The following CHST3 variants were observed in gnomAD, a reference collection of about 807,000 sequenced individuals.
The protein encoded by CHST3 is carbohydrate sulfotransferase 3.
CHST3 carries 20 observed loss-of-function variants against 35.4 expected under a neutral mutation model. The observed-to-expected ratio is 0.57, with a 90% CI of 0.40 to 0.82. The LOEUF is 0.82. CHST3 is among the 40% of genes least tolerant of loss of function. The pLI, the probability that CHST3 is intolerant of heterozygous loss-of-function variation, is 0.00. For synonymous variants in CHST3, 334 were observed against 295.9 expected, an observed-to-expected ratio of 1.13 and a Z score of -1.32; for missense variants, 693 against 670.1, an observed-to-expected ratio of 1.03 and a Z score of -0.38.
intron 1 of CHST3, among the ~76,000 whole-genome samples, chr10:71,985,568 G>A (rs1013830149): frequency 2.6e-5 from 4 of 152,174 alleles, no homozygotes; most frequent in Non-Finnish European, 5.9e-5. Flanking sequence ...GCCCTAGAAA[G>A]GCCATTTCTG....
intron 1 of CHST3, among the ~76,000 whole-genome samples, chr10:71,990,315 G>A (rs2394848): frequency 0.35 from 53,119 of 152,004 alleles, 10,966 homozygotes; most frequent in Non-Finnish European, 0.47. Context: ...TACCTGTGGC[G>A]TCCTTACCTG....
rs1840046513 is a variant in CHST3, at chr10:72,007,174, T to C, written c.143T>C (p.Val48Ala). The C allele has an allele frequency of 1.2e-6, 2 of 1,613,916 alleles. No homozygotes were observed. Among genetic ancestry groups the C allele is most frequent in the African/African-American group, 1.3e-5 (1 of 74,940 alleles). ...IEKENKIISRVSDKLKQIPQA... is the reference protein window; with the variant it reads ...IEKENKIISRASDKLKQIPQA... ...CCTGATCTTCTTTGTCCTCACAGGG[T>C]CTCAGACAAGCTGAAGCAGATTCCC... Residue 48 changes from valine (V) to alanine (A), a missense_variant and splice_region_variant, in exon 3 of 3, where the codon GTC becomes GCC. Coordinates refer to ENST00000373115, the MANE Select transcript of CHST3 (RefSeq NM_004273.5).
intron 1 of CHST3, among the ~76,000 whole-genome samples, chr10:71,975,404 A>G (rs1839735530): frequency 6.6e-6 from 1 of 152,202 alleles, no homozygotes; most frequent in African/African-American, 2.4e-5. Flanking sequence ...CCACCAGAGA[A>G]CCACAGAAGG....
chr10:72,005,266 G>T (rs1219802965), intron 1 of CHST3, among the ~76,000 whole-genome samples: 2 of 151,348 alleles, frequency 1.3e-5, no homozygotes, highest in African/African-American at 4.9e-5. Context: ...TCCTGCATAA[G>T]CACAGGGTCT....
chr10:71,995,425 A>G (rs2131759979), intron 1 of CHST3, among the ~76,000 whole-genome samples: 1 of 149,110 alleles, frequency 6.7e-6, no homozygotes. Context: ...CTGTCTCAAA[A>G]AAAAAAAAAA....
At chr10:71,974,636 A>G (rs992539934) in intron 1 of CHST3, among the ~76,000 whole-genome samples, 26 of 152,292 alleles carry the variant, frequency 1.7e-4, no homozygotes, top group Admixed American at 1.6e-3. Flanking sequence ...TTCATAGCCC[A>G]GGGCAAACCA....
In CHST3 at chr10:72,011,732, A is replaced by G. The variant is rs1840112433; in HGVS notation, c.*3261A>G. 1 of 152,236 alleles carries G rather than the reference A, an allele frequency of 6.6e-6. No individual in the cohort carries two copies. Among genetic ancestry groups the G allele is most frequent in the African/African-American group, 2.4e-5 (1 of 41,458 alleles). The allele number at this position is 152,236 out of a possible 1,614,324, so 9.4% of individuals were successfully genotyped here. A position where few individuals can be genotyped will look rare whatever the true frequency, so the allele number is the denominator to read the frequency against. ...GAGTTCTGCGGCCCAGCATATAGAA[A>G]TGGCTCAGAACGTTCCAGGCCTTGG... On this transcript the variant is annotated 3_prime_UTR_variant, in exon 3 of 3. Coordinates refer to ENST00000373115, the MANE Select transcript of CHST3 (RefSeq NM_004273.5).
Position 72,009,534 on chromosome 10 carries a change from G to A in CHST3, c.*1063G>A, listed in dbSNP as rs1014260218. On this transcript the variant is annotated 3_prime_UTR_variant, in exon 3 of 3. Coordinates refer to ENST00000373115, the MANE Select transcript of CHST3 (RefSeq NM_004273.5). ...AGGCCTGGCAGGCAGAAGCAGCTGT[G>A]GTCCCTGGAGGCAAAAGGCAGCTCA... The A allele has an allele frequency of 2.4e-4, 37 of 152,276 alleles. 1 individual carries two copies. The highest frequency in any genetic ancestry group is 8.9e-4 in the African/African-American group (37 of 41,450). The allele number at this position is 152,276 out of a possible 1,614,324, so 9.4% of individuals were successfully genotyped here.
Position 72,008,492 on chromosome 10 carries a change from C to T in CHST3, c.*21C>T, listed in dbSNP as rs1320999930. On this transcript the variant is annotated 3_prime_UTR_variant, in exon 3 of 3. Transcript: ENST00000373115. ...CGTAGGGGGGCCGGGGCCCCGTATG[C>T]CCCTCCTCGTGAAAGGCCTGCCCCG... 6.7e-7 allele frequency: 1 copy of T among 1,496,142 alleles called. No homozygotes were observed. The highest frequency in any genetic ancestry group is 8.9e-7 in the Non-Finnish European group (1 of 1,121,328). 92.7% of individuals were successfully genotyped at this position (1,496,142 alleles called of 1,614,324 possible).
chr10:72,004,128 A>C (rs1840016861), intron 1 of CHST3, among the ~76,000 whole-genome samples: 2 of 152,176 alleles, frequency 1.3e-5, no homozygotes, highest in Non-Finnish European at 2.9e-5. Context: ...AGATTACGCC[A>C]TTGCACTCCA....
At chr10:71,996,495 C>CT (rs1177875342) in intron 1 of CHST3, among the ~76,000 whole-genome samples, 66 of 147,188 alleles carry the variant, frequency 4.5e-4, no homozygotes, top group African/African-American at 1.3e-3. Flanking sequence ...TATACACCCA[C>CT]TTTTTTTTTT....
chr10:71,976,501 A>T (rs1175751147), intron 1 of CHST3, among the ~76,000 whole-genome samples: 1 of 152,186 alleles, frequency 6.6e-6, no homozygotes, highest in African/African-American at 2.4e-5. Context: ...ATAAGTTCAC[A>T]GTCTGCCCTC....
intron 2 of CHST3, 78 bp from the exon 3 acceptor site, chr10:72,007,094 C>A: frequency 6.6e-7 from 1 of 1,519,964 alleles, no homozygotes. Context: ...TGGTGATCTG[C>A]TTGGAGGACT....
intron 1 of CHST3, among the ~76,000 whole-genome samples, chr10:72,005,226 T>C (rs1564531315): frequency 6.6e-6 from 1 of 152,130 alleles, no homozygotes; most frequent in East Asian, 1.9e-4. Flanking sequence ...TGGTGGAAAA[T>C]GTCAACAGTG....
intron 1 of CHST3, among the ~76,000 whole-genome samples, chr10:71,995,816 C>T (rs1296909095): frequency 3.9e-5 from 6 of 152,100 alleles, no homozygotes; most frequent in African/African-American, 1.4e-4. Flanking sequence ...AATCACTGAT[C>T]ACAGATCACC....
intron 1 of CHST3, among the ~76,000 whole-genome samples, chr10:71,966,930 G>A (rs1466760826): frequency 1.3e-5 from 2 of 152,084 alleles, no homozygotes; most frequent in Non-Finnish European, 2.9e-5. Context: ...TGTTACATAG[G>A]TAAATTGTAT....
intron 1 of CHST3, among the ~76,000 whole-genome samples, chr10:71,989,746 C>T (rs1019299949): frequency 2.6e-5 from 4 of 152,144 alleles, no homozygotes; most frequent in African/African-American, 7.2e-5. Flanking sequence ...TCCCCAGTTC[C>T]CTCAACCACT....
chr10:71,974,549 C>A (rs1169987058), intron 1 of CHST3, among the ~76,000 whole-genome samples: 1 of 152,110 alleles, frequency 6.6e-6, no homozygotes, highest in Non-Finnish European at 1.5e-5. Flanking sequence ...GTCCCTGGGG[C>A]AGGGTGGAGA....
chr10:71,996,018 A>T (rs962509432), intron 1 of CHST3, among the ~76,000 whole-genome samples: 5 of 152,304 alleles, frequency 3.3e-5, no homozygotes, highest in Middle Eastern at 6.8e-3. Context: ...AAGCACAATA[A>T]AGTCTGTCCT....
Sources: gnomAD v4.1 joint callset for allele counts (sites outside exome capture counted in the v4.1 genomes callset) on GRCh38, gnomAD v4.1.1 for gene constraint, MANE v1.5 for transcripts, NCBI Gene and HGNC (gene_info 2026-07-23, HGNC 2026-07-21) for gene names.